CAPZB: variants seen among roughly 807,000 people sequenced by gnomAD.
The protein encoded by CAPZB is capping actin protein of muscle Z-line subunit beta.
A neutral mutation model predicts 38.1 loss-of-function variants in CAPZB; 2 were observed. That is an observed-to-expected ratio of 0.05 (90% CI 0.02 to 0.17). The LOEUF (loss-of-function observed/expected upper bound fraction) is 0.17, where lower values mean the gene tolerates loss of function less well. Ranked by LOEUF, CAPZB falls within the 10% of genes least tolerant of loss-of-function variation. The pLI is 1.00. For missense variants in CAPZB, 161 were observed against 334.2 expected (o/e 0.48, Z 4.04); for synonymous variants, 107 against 127.4 (o/e 0.84, Z 1.08).
chr1:19,407,743 T>G (rs1166341450), intron 2 of CAPZB, among the ~76,000 whole-genome samples: 1 of 152,146 alleles, frequency 6.6e-6, no homozygotes, highest in African/African-American at 2.4e-5. Flanking sequence ...CTTGTCTAGC[T>G]TTCTCTCCCA....
chr1:19,459,158 C>T (rs1240476192), intron 1 of CAPZB, among the ~76,000 whole-genome samples: 1 of 152,178 alleles, frequency 6.6e-6, no homozygotes, highest in Non-Finnish European at 1.5e-5. Context: ...TGTTTGCTTC[C>T]CTTTGCTGGC....
At chr1:19,432,384 G>A (rs766376970) in intron 1 of CAPZB, among the ~76,000 whole-genome samples, 7 of 152,270 alleles carry the variant, frequency 4.6e-5, no homozygotes, top group Non-Finnish European at 5.9e-5. Context: ...CGAGTTTGCA[G>A]TGAGCTGAGA....
At chr1:19,354,103 C>G (rs955722528) in intron 6 of CAPZB, among the ~76,000 whole-genome samples, 1 of 152,206 alleles carries the variant, frequency 6.6e-6, no homozygotes, top group Non-Finnish European at 1.5e-5. Flanking sequence ...CCAGGCAAAT[C>G]TGGGTTCACA....
At chr1:19,424,640 G>T (rs1022540263) in intron 1 of CAPZB, 6 of 152,302 alleles carry the variant, frequency 3.9e-5, no homozygotes, top group African/African-American at 1.4e-4. Flanking sequence ...TTAGGACTCA[G>T]GAGTCCAGGG....
chr1:19,350,819 T>G (rs1476575283), intron 6 of CAPZB, among the ~76,000 whole-genome samples: 5 of 152,222 alleles, frequency 3.3e-5, no homozygotes, highest in African/African-American at 1.2e-4. Context: ...GGTCTTACTT[T>G]GTTGCCCAGG....
chr1:19,458,116 A>AAC lies in CAPZB; in HGVS notation c.3+27319_3+27320insGT, dbSNP rs1491008292. ...GGAGTTGCCAAAAAAAAAAAAAAAA[A>AAC]CACTAAACTGGTGCAAGTGACTTTT... On this transcript the variant is annotated intron_variant, in intron 1 of 8. Coordinates refer to ENST00000264202, the MANE Select transcript of CAPZB (RefSeq NM_004930.5). 8.3e-5 allele frequency among the ~76,000 whole-genome samples: 12 copies of AAC among 145,052 alleles called. No homozygotes were observed. In the East Asian group the frequency reaches 2.5e-3, roughly 30 times the overall value.
intron 2 of CAPZB, among the ~76,000 whole-genome samples, chr1:19,387,185 C>CA (rs2094208791): frequency 1.3e-5 from 2 of 152,198 alleles, no homozygotes; most frequent in African/African-American, 4.8e-5. Context: ...TAAAGTTACC[C>CA]AAGGGCCACA....
chr1:19,472,046 A>G (rs1011414329), intron 1 of CAPZB, among the ~76,000 whole-genome samples: 1 of 152,244 alleles, frequency 6.6e-6, no homozygotes, highest in African/African-American at 2.4e-5. Flanking sequence ...ACCATGGGCC[A>G]TCAGCACACA....
At chr1:19,438,092 G>A (rs538341044) in intron 1 of CAPZB, among the ~76,000 whole-genome samples, 39 of 152,136 alleles carry the variant, frequency 2.6e-4, no homozygotes, top group Non-Finnish European at 4.9e-4. Context: ...TCCTACGTCA[G>A]GGGAGGGGAC....
rs1192371797 is a variant in CAPZB at position 19,468,418 on chromosome 1, AG to A, written c.3+17017del. Reference sequence around the variant, plus strand: ...CAAGCGCCATCCACTCCCCTCCACTAGCCTGTGGGCCTTTCACTAGCTCGGG... The same window carrying A: ...CAAGCGCCATCCACTCCCCTCCACTACCTGTGGGCCTTTCACTAGCTCGGG... On this transcript the variant is annotated intron_variant, in intron 1 of 8. Coordinates refer to ENST00000264202, the MANE Select transcript of CAPZB (RefSeq NM_004930.5). 2.0e-5 allele frequency among the ~76,000 whole-genome samples: 3 copies of A among 152,156 alleles called. No homozygotes were observed. The East Asian group carries it at 5.8e-4, about 29-fold the overall frequency.
intron 4 of CAPZB, among the ~76,000 whole-genome samples, chr1:19,374,886 GTGTT>G (rs938111422): frequency 1.4e-4 from 21 of 152,354 alleles, no homozygotes; most frequent in African/African-American, 4.8e-4. Flanking sequence ...CTGTGAGAAA[GTGTT>G]TGTATGGGGA....
At chr1:19,340,931 A>G (rs1164126705) in intron 8 of CAPZB, among the ~76,000 whole-genome samples, 1 of 152,144 alleles carries the variant, frequency 6.6e-6, no homozygotes, top group Non-Finnish European at 1.5e-5. Flanking sequence ...CTCACGTTTG[A>G]TTCACACCAG....
intron 6 of CAPZB, among the ~76,000 whole-genome samples, chr1:19,348,334 G>A (rs1251761650): frequency 3.9e-5 from 6 of 151,956 alleles, no homozygotes; most frequent in Non-Finnish European, 1.5e-5. Context: ...AGGAACTCCT[G>A]CAATCCTCCC....
At chr1:19,373,998 A>G (rs1171957992) in intron 4 of CAPZB, among the ~76,000 whole-genome samples, 2 of 152,196 alleles carry the variant, frequency 1.3e-5, no homozygotes, top group Non-Finnish European at 2.9e-5. Context: ...AGGAGTAAGG[A>G]CAAAGCTAAT....
intron 1 of CAPZB, among the ~76,000 whole-genome samples, chr1:19,479,947 C>T (rs1482736732): frequency 1.3e-5 from 2 of 152,110 alleles, no homozygotes; most frequent in African/African-American, 4.8e-5. Context: ...TGCCAGTCCC[C>T]TTGACCATAC....
chr1:19,396,886 G>C (rs1461653752), intron 2 of CAPZB, among the ~76,000 whole-genome samples: 1 of 151,944 alleles, frequency 6.6e-6, no homozygotes, highest in Non-Finnish European at 1.5e-5. Context: ...CTGGGAGGCG[G>C]AGGGTGCAGT....
At chr1:19,460,462 G>A (rs1054323477) in intron 1 of CAPZB, among the ~76,000 whole-genome samples, 2 of 151,680 alleles carry the variant, frequency 1.3e-5, no homozygotes, top group Admixed American at 6.6e-5. Flanking sequence ...ATTTTTAGTA[G>A]AGACAGGTTT....
At chr1:19,409,981 TTTAG>T (rs1481596984) in intron 2 of CAPZB, among the ~76,000 whole-genome samples, 16 of 152,352 alleles carry the variant, frequency 1.1e-4, no homozygotes, top group African/African-American at 3.8e-4. Context: ...GCAATAGAGT[TTTAG>T]TGTGTTTTCC....
intron 1 of CAPZB, among the ~76,000 whole-genome samples, chr1:19,472,799 G>C (rs2094594114): frequency 7.6e-6 from 1 of 131,906 alleles, no homozygotes; most frequent in Admixed American, 9.1e-5. Flanking sequence ...CTCACTGCAA[G>C]CTCCGCCTCC....
Sources: gnomAD v4.1 joint callset for allele counts (sites outside exome capture counted in the v4.1 genomes callset) on GRCh38, gnomAD v4.1.1 for gene constraint, MANE v1.5 for transcripts, NCBI Gene and HGNC (gene_info 2026-07-23, HGNC 2026-07-21) for gene names.